Variants in ADGRG1 observed in about 807,000 individuals in gnomAD.
The protein encoded by ADGRG1 is 7-transmembrane protein with no EGF-like N-terminal domains-1.
A neutral mutation model predicts 73.5 loss-of-function variants in ADGRG1; 53 were observed. The observed-to-expected ratio is 0.72, with a 90% CI of 0.58 to 0.91. ADGRG1 has a LOEUF of 0.91. Ranked by LOEUF, ADGRG1 falls within the 40% of genes least tolerant of loss-of-function variation. The pLI is 0.00. For missense variants in ADGRG1, 795 were observed against 871.8 expected (o/e 0.91, Z 1.11); for synonymous variants, 394 against 374.4 (o/e 1.05, Z -0.60).
At chr16:57,644,418 ACT>A (rs1488427451) in intron 1 of ADGRG1, among the ~76,000 whole-genome samples, 2 of 140,976 alleles carry the variant, frequency 1.4e-5, no homozygotes, top group East Asian at 2.2e-4. Context: ...GGGCACACAC[ACT>A]CGTCACACAC....
intron 1 of ADGRG1, chr16:57,637,696 C>A (rs1430606587): frequency 2.0e-6 from 2 of 985,262 alleles, no homozygotes; most frequent in Non-Finnish European, 2.4e-6. Flanking sequence ...ACAATAGCAG[C>A]CTCCTGACTG....
At chr16:57,622,493 G>A (rs1348494486) in intron 2 of ADGRG1, among the ~76,000 whole-genome samples, 1 of 152,208 alleles carries the variant, frequency 6.6e-6, no homozygotes, top group African/African-American at 2.4e-5. Flanking sequence ...AGAGGACACC[G>A]TGACATGCAG....
At chr16:57,639,155 C>T (rs1387722360) in intron 1 of ADGRG1, 23 of 514,140 alleles carry the variant, frequency 4.5e-5, no homozygotes, top group Non-Finnish European at 5.8e-5. Flanking sequence ...CTGCCTCTCT[C>T]GAGAAATTGG....
At chr16:57,624,569 A>T (rs373303813), upstream of ADGRG1, among the ~76,000 whole-genome samples, 58 of 152,302 alleles carry the variant, frequency 3.8e-4, no homozygotes, top group South Asian at 0.012. Context: ...AGGTGGGGAC[A>T]GCTCTTCACT....
At chr16:57,623,042 A>C (rs2035165746), upstream of ADGRG1, 1 of 985,284 alleles carries the variant, frequency 1.0e-6, no homozygotes, top group Non-Finnish European at 1.2e-6. Context: ...TGGAGGGGCA[A>C]AGCAGGACTT....
upstream of ADGRG1, chr16:57,622,811 C>A (rs1219463025): frequency 2.8e-5 from 28 of 985,236 alleles, no homozygotes; most frequent in Non-Finnish European, 3.1e-5. Context: ...GGCAGCGGGG[C>A]ACCCAGGCAT....
intron 1 of ADGRG1, chr16:57,643,589 G>A (rs921504413): frequency 6.1e-6 from 6 of 985,124 alleles, no homozygotes; most frequent in Non-Finnish European, 6.0e-6. Flanking sequence ...CAGGTCTGGT[G>A]TAAGAGTGTG....
chr16:57,636,740 C>G, intron 1 of ADGRG1: 1 of 972,460 alleles, frequency 1.0e-6, no homozygotes, highest in Non-Finnish European at 1.2e-6. Context: ...ATCCAGCAGT[C>G]ACTGGGGATC....
upstream of ADGRG1, chr16:57,628,058 G>A (rs1335537151): frequency 6.7e-6 from 6 of 890,880 alleles, no homozygotes; most frequent in Admixed American, 5.0e-4. Flanking sequence ...GAGGGGAGAC[G>A]GGTCACCCCC....
At chr16:57,656,484 G>T (rs1459226287) in intron 8 of ADGRG1, 30 bp from the exon 9 acceptor site, 10 of 1,591,380 alleles carry the variant, frequency 6.3e-6, no homozygotes, top group Non-Finnish European at 8.6e-6. Context: ...GACTGGACTT[G>T]ATTGGAGCCC....
rs1005625966 is a variant in ADGRG1, at chr16:57,651,528, G to C, written c.393G>C (p.Gln131His). The change falls in exon 3 of 14, where the codon CAG becomes CAC. Residue 131 changes from glutamine to histidine, a missense_variant. By Grantham distance (24) the Gln-to-His change is conservative. Coordinates refer to ENST00000562631, the MANE Select transcript of ADGRG1 (RefSeq NM_201525.4). ...CFQHQEESLA[Q>H]GPPLLATSVT... ...AGCACCAGGAGGAGAGCCTGGCTCAGGGCCCCCCGCTGTTAGCCACTTCTG... is the reference window on the plus strand; with the variant it reads ...AGCACCAGGAGGAGAGCCTGGCTCACGGCCCCCCGCTGTTAGCCACTTCTG... 1.4e-5 allele frequency: 22 copies of C among 1,614,104 alleles called. No individual in the cohort carries two copies. Among genetic ancestry groups the C allele is most frequent in the Non-Finnish European group, 1.7e-5 (20 of 1,180,056 alleles).
intron 2 of ADGRG1, among the ~76,000 whole-genome samples, chr16:57,650,747 C>G (rs187835631): frequency 7.7e-6 from 1 of 129,506 alleles, no homozygotes; most frequent in Non-Finnish European, 1.5e-5. Flanking sequence ...CTTGCTCTGT[C>G]GCCCAGGCTG....
chr16:57,639,624 C>A, intron 1 of ADGRG1: 6 of 985,568 alleles, frequency 6.1e-6, no homozygotes, highest in Non-Finnish European at 7.2e-6. Context: ...CTGCCACGCA[C>A]GTTCTTAATG....
At chr16:57,646,453 G>A in intron 1 of ADGRG1, 2 of 985,552 alleles carry the variant, frequency 2.0e-6, no homozygotes, top group Non-Finnish European at 2.4e-6. Context: ...CCCCCATTGT[G>A]TCAGACTGGA....
At chr16:57,652,641 C>T (rs1200791316) in intron 3 of ADGRG1, 9 of 984,858 alleles carry the variant, frequency 9.1e-6, no homozygotes, top group African/African-American at 7.0e-5. Context: ...CAGGCTTTCT[C>T]GGTTATGCAT....
chr16:57,653,328 G>T lies in ADGRG1; in HGVS notation c.613G>T (p.Ala205Ser). 1 of 1,608,472 alleles carries T rather than the reference G, an allele frequency of 6.2e-7. No homozygotes were observed. Among genetic ancestry groups the T allele is most frequent in the South Asian group, 1.1e-5 (1 of 91,038 alleles). ...KASRRPSAAP[A>S]SQQLQSLESK... is the part of the protein sequence containing the mutation. ...CTCAAGGAGGCCCTCGGCTGCCCCC[G>T]CCAGCCAGTAAGTTTGGCACCTGGG... The change falls in exon 4 of 14, where the codon GCC becomes TCC. Residue 205 changes from alanine to serine, a missense_variant. Ala to Ser is a moderately conservative substitution (Grantham distance 99). Coordinates refer to ENST00000562631, the MANE Select transcript of ADGRG1 (RefSeq NM_201525.4).
At chr16:57,620,703 C>G (rs1242301911), upstream of ADGRG1, 5 of 152,386 alleles carry the variant, frequency 3.3e-5, no homozygotes, top group Admixed American at 2.0e-4. Flanking sequence ...CCCTGCTCCC[C>G]CCAGCTGCCT....
chr16:57,663,308 G>A (rs1187783295), intron 13 of ADGRG1, 144 bp from the exon 14 acceptor site: 97 of 1,523,968 alleles, frequency 6.4e-5, no homozygotes, highest in Non-Finnish European at 7.9e-5. Context: ...GGTGCTCGCT[G>A]GGTCTCATGG....
upstream of ADGRG1, chr16:57,626,719 TGTG>T (rs1555529897): frequency 7.1e-6 from 7 of 984,104 alleles, no homozygotes; most frequent in South Asian, 4.7e-5. Flanking sequence ...GGGGTGTGTG[TGTG>T]GTGGTGGTGG....
Sources: gnomAD v4.1 joint callset for allele counts (sites outside exome capture counted in the v4.1 genomes callset) on GRCh38, gnomAD v4.1.1 for gene constraint, MANE v1.5 for transcripts, NCBI Gene and HGNC (gene_info 2026-07-23, HGNC 2026-07-21) for gene names.